Variants in IMPG1 observed in about 807,000 individuals in gnomAD.
IMPG1 encodes the protein interphotoreceptor matrix proteoglycan of 150 kDa.
A neutral mutation model predicts 92.0 loss-of-function variants in IMPG1; 85 were observed. That is an observed-to-expected ratio of 0.92 (90% CI 0.78 to 1.11). IMPG1 has a LOEUF of 1.11. Among genes scored for constraint, IMPG1 ranks in the 50% least tolerant of loss-of-function variants. The pLI is 0.00. For synonymous variants in IMPG1, 367 were observed against 334.1 expected, an observed-to-expected ratio of 1.10 and a Z score of -1.08; for missense variants, 1,022 against 956.0, an observed-to-expected ratio of 1.07 and a Z score of -0.91.
At chr6:75,982,639 G>A (rs1359327852) in intron 12 of IMPG1, among the ~76,000 whole-genome samples, 1 of 150,568 alleles carries the variant, frequency 6.6e-6, no homozygotes, top group East Asian at 1.9e-4. Context: ...ATATGTGTGT[G>A]TATATATATA....
At chr6:75,923,000 G>C (rs553363033) in intron 16 of IMPG1, among the ~76,000 whole-genome samples, 1 of 152,052 alleles carries the variant, frequency 6.6e-6, no homozygotes, top group South Asian at 2.1e-4. Flanking sequence ...TTGAAAATGG[G>C]TAGTTTTAGG....
chr6:76,010,677 C>T (rs1235855466), intron 8 of IMPG1, among the ~76,000 whole-genome samples: 4 of 152,162 alleles, frequency 2.6e-5, no homozygotes, highest in African/African-American at 7.2e-5. Flanking sequence ...CCTTTCCACC[C>T]CATTTTCCCA....
chr6:75,998,199 T>A (rs1037381528), intron 12 of IMPG1, among the ~76,000 whole-genome samples: 4 of 152,232 alleles, frequency 2.6e-5, no homozygotes, highest in Non-Finnish European at 5.9e-5. Context: ...AAAAGGGAAC[T>A]AGATTATTCC....
chr6:76,019,121 T>G (rs1484298744), intron 6 of IMPG1, among the ~76,000 whole-genome samples: 1 of 152,190 alleles, frequency 6.6e-6, no homozygotes, highest in Non-Finnish European at 1.5e-5. Context: ...GAAGGAATGA[T>G]GTATTTGGGC....
At chr6:75,937,744 A>G (rs1461956037) in intron 14 of IMPG1, among the ~76,000 whole-genome samples, 1 of 152,210 alleles carries the variant, frequency 6.6e-6, no homozygotes, top group Non-Finnish European at 1.5e-5. Context: ...TGCCTTTTCC[A>G]GGGAAAACAA....
intron 4 of IMPG1, among the ~76,000 whole-genome samples, chr6:76,028,791 C>A (rs752585035): frequency 1.3e-5 from 2 of 152,132 alleles, no homozygotes; most frequent in Non-Finnish European, 2.9e-5. Context: ...TGCACTCCAG[C>A]CTGGGTGACA....
At chr6:75,940,466 T>G (rs2149453648) in intron 14 of IMPG1, among the ~76,000 whole-genome samples, 1 of 152,358 alleles carries the variant, frequency 6.6e-6, no homozygotes. Flanking sequence ...TTTTATATTT[T>G]TCCTAAGTTT....
rs144128858 is a variant in IMPG1 at position 76,015,455 on chromosome 6, T to C, written c.807+3263A>G. 7.8e-3 allele frequency among the ~76,000 whole-genome samples: 1,183 copies of C among 152,230 alleles called. 8 individuals carry two copies. Among genetic ancestry groups the C allele is most frequent in the African/African-American group, 0.024 (1,002 of 41,536 alleles). ...GACGCCAGGGGTCTCTGGAACAAGA[T>C]TGGGCAGGATGTACTCTTCTTTGGC... On this transcript the variant is annotated intron_variant, in intron 7 of 16. Transcript: ENST00000369950.
intron 12 of IMPG1, among the ~76,000 whole-genome samples, chr6:76,001,809 C>T (rs1335093071): frequency 6.6e-6 from 1 of 152,174 alleles, no homozygotes; most frequent in East Asian, 1.9e-4. Flanking sequence ...AGGCCACTAA[C>T]TTTAGGGATG....
intron 14 of IMPG1, 61 bp from the exon 15 acceptor site, chr6:75,931,212 C>A (rs1358474177): frequency 6.7e-7 from 1 of 1,483,646 alleles, no homozygotes. Flanking sequence ...GAACTGGCAG[C>A]AGTCAAAGGC....
Position 75,965,198 on chromosome 6 carries a change from T to C in IMPG1, c.1292-14104A>G, listed in dbSNP as rs1782286487. ...TTTTTATGTGAGCATGTTTTCTTTC[T>C]CTATAATAAATGCTCAAGAATGAAA... On this transcript the variant is annotated intron_variant, in intron 12 of 16. Transcript: ENST00000369950. Among the ~76,000 whole-genome samples, 2 of 152,208 alleles carry C rather than the reference T, an allele frequency of 1.3e-5. 1 individual carries two copies. The highest frequency in any genetic ancestry group is 1.3e-4 in the Admixed American group (2 of 15,282).
At chr6:75,935,804 G>C (rs1404937514) in intron 14 of IMPG1, among the ~76,000 whole-genome samples, 1 of 152,154 alleles carries the variant, frequency 6.6e-6, no homozygotes, top group Non-Finnish European at 1.5e-5. Flanking sequence ...ACGAAGTTAA[G>C]GTATAATTTT....
rs1193998619 is a variant in IMPG1 at position 76,034,714 on chromosome 6, G to A, written c.375C>T (p.Asp125=). 4 of 1,613,982 alleles carry A rather than the reference G, an allele frequency of 2.5e-6. No homozygotes were observed. Among genetic ancestry groups the A allele is most frequent in the African/African-American group, 1.3e-5 (1 of 74,914 alleles). Residue 125 remains aspartate (D), a synonymous_variant, in exon 3 of 17, where the codon GAC becomes GAT. Coordinates refer to ENST00000369950, the MANE Select transcript of IMPG1 (RefSeq NM_001563.4). The part of the protein sequence containing the change: ...DRIPDTGEYQ[D]WVSICQQETF... Reference sequence around the variant, plus strand: ...TCTCCTGCTGGCAGATGCTGACCCAGTCCTGATATTCCCCTGTGTCAGGGA... The same window carrying A: ...TCTCCTGCTGGCAGATGCTGACCCAATCCTGATATTCCCCTGTGTCAGGGA...
intron 12 of IMPG1, among the ~76,000 whole-genome samples, chr6:75,962,513 T>C (rs1231288557): frequency 6.6e-6 from 1 of 152,076 alleles, no homozygotes; most frequent in Admixed American, 6.5e-5. Context: ...GGATGAAATG[T>C]TCCACAGAAC....
In IMPG1 at chr6:76,034,306, G is replaced by A. The variant is rs1310383630; in HGVS notation, c.497+9C>T. 1 of 1,611,378 alleles carries A rather than the reference G, an allele frequency of 6.2e-7. No individual in the cohort carries two copies. The highest frequency in any genetic ancestry group is 1.3e-5 in the African/African-American group (1 of 74,734). On this transcript the variant is annotated intron_variant, in intron 4 of 16. Transcript: ENST00000369950. ...GCACACACACACACACTCTATTTTG[G>A]GTACTTGCCTGTCAGGGAAACTTCT...
intron 14 of IMPG1, among the ~76,000 whole-genome samples, chr6:75,931,966 A>T (rs1363484557): frequency 6.6e-6 from 1 of 152,202 alleles, no homozygotes; most frequent in Non-Finnish European, 1.5e-5. Context: ...CGGAGTCCTC[A>T]AGGGCTGATG....
rs112015923 is a variant in IMPG1, at chr6:75,929,484, G to A, written c.2243+1469C>T. Among the ~76,000 whole-genome samples the A allele has an allele frequency of 9.4e-4, 138 of 146,758 alleles. 1 individual carries two copies. Among genetic ancestry groups the A allele is most frequent in the African/African-American group, 3.3e-3 (131 of 39,656 alleles). On this transcript the variant is annotated intron_variant, in intron 15 of 16. Coordinates refer to ENST00000369950, the MANE Select transcript of IMPG1 (RefSeq NM_001563.4). ...AACCAAACACTGCATGTTCTCATAGGTGGGAATTGAACAATGAGAACACAT... is the reference window on the plus strand; with the variant it reads ...AACCAAACACTGCATGTTCTCATAGATGGGAATTGAACAATGAGAACACAT...
At chr6:76,010,056 T>A (rs1783157434) in intron 8 of IMPG1, among the ~76,000 whole-genome samples, 1 of 152,260 alleles carries the variant, frequency 6.6e-6, no homozygotes, top group Non-Finnish European at 1.5e-5. Context: ...TGGTAGATAT[T>A]AAGGGTTTCA....
chr6:76,009,755 C>T (rs1207530693), intron 8 of IMPG1, among the ~76,000 whole-genome samples: 1 of 152,186 alleles, frequency 6.6e-6, no homozygotes, highest in Non-Finnish European at 1.5e-5. Context: ...TGTAAAATTT[C>T]ATCATCTAAC....
Sources: gnomAD v4.1 joint callset for allele counts (sites outside exome capture counted in the v4.1 genomes callset) on GRCh38, gnomAD v4.1.1 for gene constraint, MANE v1.5 for transcripts, NCBI Gene and HGNC (gene_info 2026-07-23, HGNC 2026-07-21) for gene names.